The following RFX3 variants were observed in gnomAD, a reference collection of about 807,000 sequenced individuals.
RFX3 encodes regulatory factor X3.
In RFX3, 14 loss-of-function variants were observed where a neutral mutation model predicts 98.6. The ratio of observed to expected loss-of-function variants is 0.14; its 90% CI spans 0.09 to 0.22. The LOEUF (loss-of-function observed/expected upper bound fraction) is 0.22. RFX3 is among the 10% of genes least tolerant of loss of function. The probability of loss-of-function intolerance (pLI) is 1.00; values close to 1 mark genes in which losing one functional copy is unlikely to be tolerated. For synonymous variants in RFX3, 383 were observed against 328.4 expected, an observed-to-expected ratio of 1.17 and a Z score of -1.80; for missense variants, 639 against 926.9, an observed-to-expected ratio of 0.69 and a Z score of 4.03.
chr9:3,319,594 A>G (rs916346426), intron 4 of RFX3, among the ~76,000 whole-genome samples: 1 of 152,228 alleles, frequency 6.6e-6, no homozygotes, highest in Non-Finnish European at 1.5e-5. Context: ...CACAATTTTG[A>G]TAAATCTAAA....
At chr9:3,247,074 A>C in intron 15 of RFX3, 1 of 984,064 alleles carries the variant, frequency 1.0e-6, no homozygotes, top group Non-Finnish European at 1.2e-6. Flanking sequence ...AAGCACATAC[A>C]CATAGCTTAA....
chr9:3,390,157 T>C (rs948392761), intron 2 of RFX3, among the ~76,000 whole-genome samples: 5 of 152,204 alleles, frequency 3.3e-5, no homozygotes, highest in African/African-American at 9.6e-5. Context: ...CCAAATTTCA[T>C]CTTGAATTAT....
chr9:3,285,151 A>C (rs560213441), intron 7 of RFX3, among the ~76,000 whole-genome samples: 1 of 151,836 alleles, frequency 6.6e-6, no homozygotes, highest in Non-Finnish European at 1.5e-5. Context: ...TTTCTTCACT[A>C]TAAGAACATA....
chr9:3,241,179 G>C (rs1819865552), intron 15 of RFX3, among the ~76,000 whole-genome samples: 1 of 151,134 alleles, frequency 6.6e-6, no homozygotes, highest in Non-Finnish European at 1.5e-5. Flanking sequence ...GTATTGACAG[G>C]CACTTTCTAA....
intron 5 of RFX3, among the ~76,000 whole-genome samples, chr9:3,294,708 G>A (rs1036118974): frequency 2.0e-5 from 3 of 152,040 alleles, no homozygotes; most frequent in African/African-American, 2.4e-5. Context: ...CCTACATGAT[G>A]TTTATGTAAT....
At chr9:3,255,343 T>C (rs660374) in intron 14 of RFX3, among the ~76,000 whole-genome samples, 140,811 of 152,254 alleles carry the variant, frequency 0.92, 66,138 homozygotes, top group East Asian at 1. Flanking sequence ...TCCTACATTC[T>C]ATTACTCATT....
At chr9:3,280,578 A>G (rs1825803447) in intron 7 of RFX3, among the ~76,000 whole-genome samples, 1 of 151,828 alleles carries the variant, frequency 6.6e-6, no homozygotes, top group Non-Finnish European at 1.5e-5. Context: ...CAGGAAGTCA[A>G]GAACAATCAC....
rs529715061 is a variant in RFX3, at chr9:3,498,294, A to G, written c.-9+27453T>C. ...TCTTCTTTAATAAATTCTGTGCTCC[A>G]CTACTTATTAGTTCTTAATTTCAAA... On this transcript the variant is annotated intron_variant, in intron 1 of 16. Transcript: ENST00000617270. 2.6e-5 allele frequency among the ~76,000 whole-genome samples: 4 copies of G among 152,188 alleles called. No individual in the cohort carries two copies. In the East Asian group the frequency reaches 7.7e-4, roughly 29 times the overall value.
At chr9:3,509,842 A>G (rs1817492277) in intron 1 of RFX3, among the ~76,000 whole-genome samples, 1 of 151,834 alleles carries the variant, frequency 6.6e-6, no homozygotes, top group South Asian at 2.1e-4. Flanking sequence ...TTTGCGGAGG[A>G]GTGTGGAGGC....
In RFX3 at chr9:3,460,430, T is replaced by C. The variant is rs571140062; in HGVS notation, c.-8-64834A>G. 7.2e-5 allele frequency among the ~76,000 whole-genome samples: 11 copies of C among 152,156 alleles called. 2 individuals carry two copies. In the South Asian group the frequency reaches 2.3e-3, roughly 32 times the overall value. On this transcript the variant is annotated intron_variant, in intron 1 of 16. Coordinates refer to ENST00000617270, the MANE Select transcript of RFX3 (RefSeq NM_001282116.2). ...TAACAACATCACATAATAGATTTAA[T>C]ATTATTTTTTAAAAGTCCTTGTTCC...
rs548660711 is a variant in RFX3, at chr9:3,382,828, A to G, written c.117+12644T>C. Among the ~76,000 whole-genome samples, 12 of 152,236 alleles carry G rather than the reference A, an allele frequency of 7.9e-5. No homozygotes were observed. In the South Asian group the frequency reaches 2.3e-3, roughly 29 times the overall value. On this transcript the variant is annotated intron_variant, in intron 2 of 16. Coordinates refer to ENST00000617270, the MANE Select transcript of RFX3 (RefSeq NM_001282116.2). ...AAAACCTCAAAATTTATTTTTCGCT[A>G]TATATTTCTCTAGGTGACTATAAAG...
At chr9:3,346,282 T>C (rs1216418086) in intron 3 of RFX3, among the ~76,000 whole-genome samples, 1 of 152,180 alleles carries the variant, frequency 6.6e-6, no homozygotes, top group Non-Finnish European at 1.5e-5. Flanking sequence ...ATACTAGTTT[T>C]ATATTCATTT....
At chr9:3,227,302 A>C (rs923194018) in intron 16 of RFX3, among the ~76,000 whole-genome samples, 1 of 152,184 alleles carries the variant, frequency 6.6e-6, no homozygotes, top group Non-Finnish European at 1.5e-5. Context: ...GGACTGGACG[A>C]TTTAAGTGTT....
intron 3 of RFX3, among the ~76,000 whole-genome samples, chr9:3,341,295 C>T (rs1213266179): frequency 4.0e-5 from 6 of 151,564 alleles, no homozygotes; most frequent in African/African-American, 2.4e-5. Flanking sequence ...AGGAGATATA[C>T]CTAATGCTAA....
intron 1 of RFX3, among the ~76,000 whole-genome samples, chr9:3,487,460 T>C (rs912156506): frequency 6.6e-6 from 1 of 152,226 alleles, no homozygotes; most frequent in Non-Finnish European, 1.5e-5. Context: ...GTGTACAGTA[T>C]TAAGTCAGAA....
chr9:3,337,939 T>C (rs1174060108), intron 3 of RFX3, among the ~76,000 whole-genome samples: 2 of 152,160 alleles, frequency 1.3e-5, no homozygotes, highest in South Asian at 2.1e-4. Flanking sequence ...ACAAAGTGCA[T>C]ATATATATGT....
At chr9:3,316,489 C>T (rs939414629) in intron 4 of RFX3, among the ~76,000 whole-genome samples, 2 of 152,164 alleles carry the variant, frequency 1.3e-5, no homozygotes, top group Admixed American at 6.5e-5. Context: ...CCTCTCTCAC[C>T]GCTCCTATTC....
intron 9 of RFX3, among the ~76,000 whole-genome samples, chr9:3,273,349 T>C (rs895300518): frequency 6.6e-6 from 1 of 152,198 alleles, no homozygotes; most frequent in African/African-American, 2.4e-5. Flanking sequence ...GATCATTCTG[T>C]GGACTGCCAT....
chr9:3,362,297 T>G (rs1437311898), intron 2 of RFX3, among the ~76,000 whole-genome samples: 1 of 152,190 alleles, frequency 6.6e-6, no homozygotes, highest in East Asian at 1.9e-4. Context: ...TGTCAAAGAT[T>G]AGAAAATATT....
Sources: allele counts gnomAD v4.1 joint callset (sites outside exome capture counted in the v4.1 genomes callset), GRCh38; gene constraint gnomAD v4.1.1; transcripts MANE v1.5; gene names NCBI Gene and HGNC (gene_info 2026-07-23, HGNC 2026-07-21).